The following DISP2 variants were observed in gnomAD, a reference collection of about 807,000 sequenced individuals.
The protein encoded by DISP2 is protein dispatched homolog 2.
A neutral mutation model predicts 95.5 loss-of-function variants in DISP2; 59 were observed. That is an observed-to-expected ratio of 0.62 (90% CI 0.50 to 0.77). DISP2 has a LOEUF of 0.77. DISP2 is among the 30% of genes least tolerant of loss of function. DISP2 has a pLI of 0.00. For missense variants in DISP2, 1,752 were observed against 1,854.6 expected, an observed-to-expected ratio of 0.94 and a Z score of 1.02; for synonymous variants, 827 against 815.0, an observed-to-expected ratio of 1.01 and a Z score of -0.25.
At chr15:40,364,575 C>T (rs760623477) in intron 4 of DISP2, 31 bp downstream of exon 4, 74 of 1,605,114 alleles carry the variant, frequency 4.6e-5, no homozygotes, top group Admixed American at 2.4e-4. Flanking sequence ...ACGGGGTCCC[C>T]AGGCCTGGCC....
chr15:40,360,562 A>C (rs906331067), intron 1 of DISP2, among the ~76,000 whole-genome samples: 13 of 151,960 alleles, frequency 8.6e-5, no homozygotes, highest in African/African-American at 3.1e-4. Flanking sequence ...GGCCAGGGAG[A>C]CTCCAGCAGA....
At chr15:40,365,587 G>A (rs1166026208) in intron 6 of DISP2, 41 bp from the exon 7 acceptor site, 2 of 1,607,548 alleles carry the variant, frequency 1.2e-6, no homozygotes, top group Non-Finnish European at 1.7e-6. Context: ...CAGGACCTGG[G>A]GCCAAAGGAC....
rs1418226331 is a variant in DISP2, at chr15:40,365,488, C to A, written c.848-140C>A. 4.8e-6 allele frequency: 6 copies of A among 1,255,182 alleles called. No individual in the cohort carries two copies. In the Admixed American group the frequency reaches 8.9e-5, roughly 19 times the overall value. The allele number at this position is 1,255,182 out of a possible 1,614,324, so 77.8% of individuals were successfully genotyped here. ...GCTGGGTTGGGGTGAGGCACAGGGA[C>A]AGGATCAGGCAGTCCATGCACAGGC... is the stretch of plus-strand genomic sequence containing the variant. On this transcript the variant is annotated intron_variant, in intron 6 of 7. Coordinates refer to ENST00000267889, the MANE Select transcript of DISP2 (RefSeq NM_033510.3).
chr15:40,365,153 C>T lies in DISP2; in HGVS notation c.726C>T (p.Ser242=). Residue 242 remains serine (S), a synonymous_variant, in exon 6 of 8, where the codon AGC becomes AGT. Transcript: ENST00000267889. ...LSPDLELNSS[S]SHNTLRPAPR... ...GATATTCTCTCCACTTCAGCTCGAG[C>T]TCCCACAACACTCTGAGGCCTGCAC... The T allele has an allele frequency of 6.2e-7, 1 of 1,613,344 alleles. No homozygotes were observed. Among genetic ancestry groups the T allele is most frequent in the Non-Finnish European group, 8.5e-7 (1 of 1,179,670 alleles).
Position 40,368,301 on chromosome 15 carries a change from C to G in DISP2, c.2189C>G (p.Pro730Arg), listed in dbSNP as rs763612465. The change falls in exon 8 of 8, where the codon CCC becomes CGC. Residue 730 changes from proline to arginine, a missense_variant. By Grantham distance (103) the Pro-to-Arg change is moderately radical. Transcript: ENST00000267889. ...IAGVSPRLRLPTLPPPGGQVF... is the reference protein window; with the variant it reads ...IAGVSPRLRLRTLPPPGGQVF... ...GGAGTCAGCCCCCGCCTGCGGCTGCCCACGCTGCCGCCGCCCGGCGGCCAG... is the reference window on the plus strand; with the variant it reads ...GGAGTCAGCCCCCGCCTGCGGCTGCGCACGCTGCCGCCGCCCGGCGGCCAG... The G allele has an allele frequency of 6.2e-7, 1 of 1,605,402 alleles. No individual in the cohort carries two copies. The highest frequency in any genetic ancestry group is 8.5e-7 in the Non-Finnish European group (1 of 1,177,176).
intron 5 of DISP2, 31 bp from the exon 6 acceptor site, chr15:40,365,116 G>T: frequency 6.2e-7 from 1 of 1,608,736 alleles, no homozygotes; most frequent in Non-Finnish European, 8.5e-7. Flanking sequence ...AACCCTAATG[G>T]TGCCTGGCAT....
At position 40,367,655 on chromosome 15, in the gene DISP2, ATGGTGCTGC is replaced by A. The variant is rs1249632380; in HGVS notation, c.1547_1555del (p.Val516_Leu518del). The A allele has an allele frequency of 6.2e-7, 1 of 1,613,898 alleles. No homozygotes were observed. Among genetic ancestry groups the A allele is most frequent in the African/African-American group, 1.3e-5 (1 of 74,964 alleles). ...CCTGCGCTCACTCTTCCTCACGCTC[ATGGTGCTGC>A]TGGGGGTGCTGGGCTCACTGCTGGT... On this transcript the variant is annotated inframe_deletion, in exon 8 of 8. Transcript: ENST00000267889.
chr15:40,365,419 C>T (rs533310849), intron 6 of DISP2, 145 bp downstream of exon 6: 1 of 1,434,890 alleles, frequency 7.0e-7, no homozygotes, highest in Non-Finnish European at 9.4e-7. Flanking sequence ...CGGGTTACAG[C>T]TGGGATAGGG....
At position 40,358,565 on chromosome 15, in the gene DISP2, G is replaced by A. The variant is rs547480473; in HGVS notation, c.119+125G>A. 18 of 733,120 alleles carry A rather than the reference G, an allele frequency of 2.5e-5. No homozygotes were observed. The South Asian group carries it at 1.1e-3, about 45-fold the overall frequency. The allele number at this position is 733,120 out of a possible 1,614,324, so 45.4% of individuals were successfully genotyped here. On this transcript the variant is annotated intron_variant, in intron 1 of 7. Coordinates refer to ENST00000267889, the MANE Select transcript of DISP2 (RefSeq NM_033510.3). Reference sequence around the variant, plus strand: ...CCAGACCCTCCCGGAGCCCCTTCCCGGGGTCGCCAAGCTCCAGGCCCCCCT... The same window carrying A: ...CCAGACCCTCCCGGAGCCCCTTCCCAGGGTCGCCAAGCTCCAGGCCCCCCT...
chr15:40,377,118 A>T lies in DISP2; in HGVS notation c.*6800A>T, dbSNP rs2141267323. On this transcript the variant is annotated 3_prime_UTR_variant, in exon 8 of 8. Transcript: ENST00000267889. The stretch of plus-strand genomic sequence containing the variant: ...GGCGGGCAGATCACGAGGTCAGGAG[A>T]TCGAGACCATCCTGGCTAACATGGT... 6.6e-6 allele frequency: 1 copy of T among 152,352 alleles called. No individual in the cohort carries two copies. The highest frequency in any genetic ancestry group is 1.9e-4 in the East Asian group (1 of 5,180). 9.4% of individuals were successfully genotyped at this position (152,352 alleles called of 1,614,324 possible).
rs1180673656 is a variant in DISP2 at position 40,358,233 on chromosome 15, CCCGCCGCCGCTGCCGCCGCCACCG to C, written c.-78_-55del. 1.7e-5 allele frequency: 15 copies of C among 879,662 alleles called. No individual in the cohort carries two copies. Among genetic ancestry groups the C allele is most frequent in the East Asian group, 1.2e-4 (2 of 17,044 alleles). 54.5% of individuals were successfully genotyped at this position (879,662 alleles called of 1,614,324 possible). On this transcript the variant is annotated 5_prime_UTR_variant, in exon 1 of 8. Coordinates refer to ENST00000267889, the MANE Select transcript of DISP2 (RefSeq NM_033510.3). ...AGAGCCTACGCATGCGCACGAGCAC[CCCGCCGCCGCTGCCGCCGCCACCG>C]CCGCCGCCGCCGCCGCCGCCGCGGC...
At position 40,363,680 on chromosome 15, in the gene DISP2, C is replaced by T; in HGVS notation, c.175C>T (p.His59Tyr). ...AAGCCCAGAGAGAAGCTGCTCCCTC[C>T]ACAGCTGCCCCCTGGAGGACCCTTC... is the stretch of plus-strand genomic sequence containing the variant. ...EASPERSCSL[H>Y]SCPLEDPSSS... Residue 59 changes from histidine to tyrosine, a missense_variant, in exon 2 of 8, where the codon CAC becomes TAC. Physicochemically the swap from His to Tyr is moderately conservative, Grantham distance 83. Coordinates refer to ENST00000267889, the MANE Select transcript of DISP2 (RefSeq NM_033510.3). The T allele has an allele frequency of 6.3e-7, 1 of 1,595,052 alleles. No homozygotes were observed. Among genetic ancestry groups the T allele is most frequent in the South Asian group, 1.1e-5 (1 of 87,894 alleles).
chr15:40,368,928 C>T lies in DISP2; in HGVS notation c.2816C>T (p.Pro939Leu). The change falls in exon 8 of 8, where the codon CCT becomes CTT. Residue 939 changes from proline to leucine, a missense_variant. Pro to Leu is a moderately conservative substitution (Grantham distance 98). Around this residue, in one of 5 missense-constraint regions of DISP2, gnomAD observed 317 missense variants for 394.9 expected, o/e 0.80. Coordinates refer to ENST00000267889, the MANE Select transcript of DISP2 (RefSeq NM_033510.3). Reference sequence around the variant, plus strand: ...CTGGCAGCGGAGCTGGGCATGGCACCTCCAGGCCTCCGCCGTGGTTGGTTC... The same window carrying T: ...CTGGCAGCGGAGCTGGGCATGGCACTTCCAGGCCTCCGCCGTGGTTGGTTC... ...HWLAAELGMA[P>L]PGLRRGWFTS... The T allele has an allele frequency of 2.5e-6, 4 of 1,613,876 alleles. No homozygotes were observed. Among genetic ancestry groups the T allele is most frequent in the East Asian group, 2.2e-5 (1 of 44,886 alleles).
chr15:40,369,024 C>T lies in DISP2; in HGVS notation c.2912C>T (p.Ala971Val). 1 of 1,614,040 alleles carries T rather than the reference C, an allele frequency of 6.2e-7. No homozygotes were observed. Reference sequence around the variant, plus strand: ...GAGCCTGCTGTGGTGCTGGGCCTGGCTTTGGCGCTGGCCTTTGCCACACTG... The same window carrying T: ...GAGCCTGCTGTGGTGCTGGGCCTGGTTTTGGCGCTGGCCTTTGCCACACTG... Reference protein sequence around the residue: ...STEPAVVLGLALALAFATLLL... With the variant: ...STEPAVVLGLVLALAFATLLL... The change falls in exon 8 of 8, where the codon GCT becomes GTT. Residue 971 changes from alanine (A) to valine (V), a missense_variant. Physicochemically the swap from Ala to Val is moderately conservative, Grantham distance 64. Coordinates refer to ENST00000267889, the MANE Select transcript of DISP2 (RefSeq NM_033510.3).
At position 40,376,666 on chromosome 15, in the gene DISP2, A is replaced by G. The variant is rs1288423641; in HGVS notation, c.*6348A>G. The G allele has an allele frequency of 1.3e-5, 2 of 152,124 alleles. No homozygotes were observed. Among genetic ancestry groups the G allele is most frequent in the African/African-American group, 4.8e-5 (2 of 41,412 alleles). The allele number at this position is 152,124 out of a possible 1,614,324, so 9.4% of individuals were successfully genotyped here. On this transcript the variant is annotated 3_prime_UTR_variant, in exon 8 of 8. Transcript: ENST00000267889. Reference sequence around the variant, plus strand: ...AAATAAAAATAAAAATTAGCTGGGCATGGTGATATGCGCCTGTAGACCCAG... The same window carrying G: ...AAATAAAAATAAAAATTAGCTGGGCGTGGTGATATGCGCCTGTAGACCCAG...
In DISP2 at chr15:40,368,519, G is replaced by A; in HGVS notation, c.2407G>A (p.Ala803Thr). ...CCTGGTGAGGGACCCTGCCTTCTCG[G>A]CCAGCGGCCCTGAGGCCCAGCGCTG... ...SSLVRDPAFS[A>T]SGPEAQRWLL... Residue 803 changes from alanine to threonine, a missense_variant, in exon 8 of 8, where the codon GCC (alanine) becomes ACC (threonine). Transcript: ENST00000267889. The A allele has an allele frequency of 6.2e-7, 1 of 1,606,148 alleles. No homozygotes were observed. Among genetic ancestry groups the A allele is most frequent in the Non-Finnish European group, 8.5e-7 (1 of 1,179,888 alleles).
Position 40,369,718 on chromosome 15 carries a change from G to A in DISP2, c.3606G>A (p.Pro1202=), listed in dbSNP as rs142598891. ...AGGATCTGCAGCTCCATGATGGTCCGTGCTGTTCCCGGCCCCCACCAGCCC... is the reference window on the plus strand; with the variant it reads ...AGGATCTGCAGCTCCATGATGGTCCATGCTGTTCCCGGCCCCCACCAGCCC... ...LSEDLQLHDG[P]CCSRPPPAPA... The change falls in exon 8 of 8, where the codon CCG becomes CCA. Residue 1202 remains proline, a synonymous_variant. Coordinates refer to ENST00000267889, the MANE Select transcript of DISP2 (RefSeq NM_033510.3). 6.8e-5 allele frequency: 109 copies of A among 1,611,082 alleles called. No homozygotes were observed. In the African/African-American group the frequency reaches 1.0e-3, roughly 15 times the overall value.
chr15:40,363,251 G>A lies in DISP2; in HGVS notation c.120-374G>A, dbSNP rs376853092. On this transcript the variant is annotated intron_variant, in intron 1 of 7. Transcript: ENST00000267889. ...GGCTTGAACCCGGGAGGCGGAGCTT[G>A]CAGTGAACTGAGATAGCGCCACTGC... Among the ~76,000 whole-genome samples the A allele has an allele frequency of 1.3e-3, 195 of 150,830 alleles. 1 individual carries two copies. The highest frequency in any genetic ancestry group is 4.6e-3 in the African/African-American group (189 of 40,994).
chr15:40,374,014 A>AATATATATATATATAT lies in DISP2; in HGVS notation c.*3699_*3714dup, dbSNP rs1555400589. The AATATATATATATATAT allele has an allele frequency of 1.9e-5, 2 of 104,172 alleles. No homozygotes were observed. Among genetic ancestry groups the AATATATATATATATAT allele is most frequent in the African/African-American group, 8.3e-5 (2 of 23,968 alleles). 6.5% of individuals were successfully genotyped at this position (104,172 alleles called of 1,614,324 possible). On this transcript the variant is annotated 3_prime_UTR_variant, in exon 8 of 8. Transcript: ENST00000267889. ...GCGAGACTCCATCTTAAAAAAAAAAAATATATATATATATATATGTAAACT... is the reference window on the plus strand; with the variant it reads ...GCGAGACTCCATCTTAAAAAAAAAAAATATATATATATATATATATATATATATATATATGTAAACT...
Sources: allele counts gnomAD v4.1 joint callset (sites outside exome capture counted in the v4.1 genomes callset), GRCh38; gene constraint gnomAD v4.1.1; regional missense constraint gnomAD v4.1.1; transcripts MANE v1.5; gene names NCBI Gene and HGNC (gene_info 2026-07-23, HGNC 2026-07-21).